AGO1: variants seen among roughly 807,000 people sequenced by gnomAD.
AGO1 encodes the protein protein argonaute-1.
In AGO1, 11 loss-of-function variants were observed where a neutral mutation model predicts 109.2. The observed-to-expected ratio is 0.10, with a 90% CI of 0.06 to 0.17. AGO1 has a LOEUF of 0.17. Ranked by LOEUF, AGO1 falls within the 10% of genes least tolerant of loss-of-function variation. AGO1 has a pLI of 1.00. For missense variants in AGO1, 574 were observed against 1,140.3 expected (o/e 0.50, Z 7.15); for synonymous variants, 422 against 418.6 (o/e 1.01, Z -0.10).
intron 17 of AGO1, among the ~76,000 whole-genome samples, 169 bp from the exon 18 acceptor site, chr1:35,918,886 A>C (rs1378071625): frequency 6.6e-6 from 1 of 152,182 alleles, no homozygotes; most frequent in African/African-American, 2.4e-5. Context: ...CCCTGAGTAC[A>C]CTTGCAGGTT....
In AGO1 at chr1:35,921,510, C is replaced by A. The variant is rs999755697; in HGVS notation, c.*1903C>A. ...AGCCTGGGCTTGGATCTATCCTGATCTGGTGATGAAGCCATGATTACTTTA... is the reference window on the plus strand; with the variant it reads ...AGCCTGGGCTTGGATCTATCCTGATATGGTGATGAAGCCATGATTACTTTA... On this transcript the variant is annotated 3_prime_UTR_variant, in exon 19 of 19. Coordinates refer to ENST00000373204, the MANE Select transcript of AGO1 (RefSeq NM_012199.5). 6.6e-6 allele frequency: 1 copy of A among 152,566 alleles called. No homozygotes were observed. Among genetic ancestry groups the A allele is most frequent in the Non-Finnish European group, 1.5e-5 (1 of 68,072 alleles). The allele number at this position is 152,566 out of a possible 1,614,324, so 9.5% of individuals were successfully genotyped here.
chr1:35,901,566 A>G lies in AGO1; in HGVS notation c.1113A>G (p.Pro371=). ...TMIKATARSA[P]DRQEEISRLM... is the part of the protein sequence containing the mutation. ...TAAAGGCCACAGCTAGATCCGCTCC[A>G]GACAGACAGGAGGAGATCAGTCGCC... The change falls in exon 9 of 19, where the codon CCA becomes CCG. Residue 371 remains proline, a synonymous_variant. Coordinates refer to ENST00000373204, the MANE Select transcript of AGO1 (RefSeq NM_012199.5). This position sits in a 1 kb window ranked among gnomAD's most constrained non-coding sequence, Gnocchi z 4.8. 6.2e-7 allele frequency: 1 copy of G among 1,614,210 alleles called. No individual in the cohort carries two copies. The highest frequency in any genetic ancestry group is 1.3e-5 in the African/African-American group (1 of 75,064).
upstream of AGO1, chr1:35,883,116 C>T (rs550044258): frequency 1.9e-3 from 2,096 of 1,085,084 alleles, 8 homozygotes; most frequent in Non-Finnish European, 2.0e-3. This position sits in a 1 kb window ranked among gnomAD's most constrained non-coding sequence, Gnocchi z 5.4. Context: ...GTCCCCGGTG[C>T]CCCCGCCCCT....
intron 2 of AGO1, among the ~76,000 whole-genome samples, chr1:35,891,736 T>C (rs1645223353): frequency 6.6e-6 from 1 of 151,996 alleles, no homozygotes. Flanking sequence ...GACTAATTTT[T>C]GTATTTTTTG....
chr1:35,904,084 G>T (rs1176337237), intron 11 of AGO1, among the ~76,000 whole-genome samples: 2 of 151,008 alleles, frequency 1.3e-5, no homozygotes, highest in Non-Finnish European at 2.9e-5. Context: ...CTTGCAAATG[G>T]GTTCTTGTCT....
rs1645785570 is a variant in AGO1 at position 35,919,039 on chromosome 1, C to T, written c.2266-16C>T. Reference sequence around the variant, plus strand: ...CTCTGCCCAGCCTGGGACCCCTCACCTTCCTATCTTCCCAGGGCACCAGCC... The same window carrying T: ...CTCTGCCCAGCCTGGGACCCCTCACTTTCCTATCTTCCCAGGGCACCAGCC... On this transcript the variant is annotated splice_polypyrimidine_tract_variant and intron_variant, in intron 17 of 18. Transcript: ENST00000373204. This position sits in a 1 kb window ranked among gnomAD's most constrained non-coding sequence, Gnocchi z 6.6. 6.2e-7 allele frequency: 1 copy of T among 1,613,722 alleles called. No individual in the cohort carries two copies. The highest frequency in any genetic ancestry group is 1.3e-5 in the African/African-American group (1 of 75,052).
chr1:35,872,736 T>A (rs950563906), intron 1 of AGO1, among the ~76,000 whole-genome samples: 11 of 151,972 alleles, frequency 7.2e-5, no homozygotes, highest in African/African-American at 2.7e-4. Flanking sequence ...TGGGCCCAGC[T>A]AATTTTTTAA....
At chr1:35,904,772 G>A (rs1645489082) in intron 11 of AGO1, among the ~76,000 whole-genome samples, 1 of 152,194 alleles carries the variant, frequency 6.6e-6, no homozygotes, top group African/African-American at 2.4e-5. Flanking sequence ...AGATTGTCCA[G>A]GGAGAATGTA....
chr1:35,904,385 G>A (rs1297107945), intron 11 of AGO1, among the ~76,000 whole-genome samples: 2 of 152,126 alleles, frequency 1.3e-5, no homozygotes, highest in Admixed American at 6.5e-5. Flanking sequence ...GATCACAGGC[G>A]TGAGCCATCG....
chr1:35,882,950 C>G, upstream of AGO1: 1 of 971,110 alleles, frequency 1.0e-6, no homozygotes, highest in African/African-American at 1.8e-5. The surrounding 1 kb of genome is among the most constrained non-coding windows in gnomAD (Gnocchi z 5.1). Flanking sequence ...TTGGAGGGAC[C>G]TATTTGGGGA....
Position 35,915,366 on chromosome 1 carries a change from G to A in AGO1, c.1852G>A (p.Ala618Thr). 1 of 1,613,720 alleles carries A rather than the reference G, an allele frequency of 6.2e-7. No homozygotes were observed. The highest frequency in any genetic ancestry group is 8.5e-7 in the Non-Finnish European group (1 of 1,179,740). Residue 618 changes from alanine (A) to threonine (T), a missense_variant, in exon 15 of 19, where the codon GCC (alanine) becomes ACC (threonine). Around this residue, in one of 8 missense-constraint regions of AGO1, gnomAD observed 68 missense variants for 200.2 expected, o/e 0.34. Transcript: ENST00000373204. ...CTGTCAGGTGGTAGGCAGTATGGATGCCCACCCCAGCCGATACTGTGCTAC... is the reference window on the plus strand; with the variant it reads ...CTGTCAGGTGGTAGGCAGTATGGATACCCACCCCAGCCGATACTGTGCTAC... ...SITAVVGSMD[A>T]HPSRYCATVR...
intron 2 of AGO1, among the ~76,000 whole-genome samples, chr1:35,891,554 ATTTATTTTTTATTT>A (rs967587139): frequency 6.6e-6 from 1 of 151,584 alleles, no homozygotes; most frequent in South Asian, 2.1e-4. Flanking sequence ...TTTTGTTTTA[ATTTATTTTTTATTT>A]TTTATTTTTT....
At chr1:35,882,835 G>A, upstream of AGO1, 3 of 985,436 alleles carry the variant, frequency 3.0e-6, no homozygotes, top group Non-Finnish European at 3.6e-6. The surrounding 1 kb of genome is among the most constrained non-coding windows in gnomAD (Gnocchi z 5.1). Flanking sequence ...AGAGGTGGGA[G>A]GCAGGGCCCC....
intron 11 of AGO1, among the ~76,000 whole-genome samples, chr1:35,903,668 A>G (rs996486414): frequency 6.7e-6 from 1 of 149,966 alleles, no homozygotes; most frequent in Admixed American, 6.7e-5. Flanking sequence ...GGCAATATAG[A>G]TCCTATAAGT....
At chr1:35,912,895 G>A (rs1481108034) in intron 12 of AGO1, among the ~76,000 whole-genome samples, 1 of 151,466 alleles carries the variant, frequency 6.6e-6, no homozygotes, top group Non-Finnish European at 1.5e-5. Context: ...TACAGAAGCT[G>A]GAAACTTAAA....
In AGO1 at chr1:35,919,689, A is replaced by G; in HGVS notation, c.*82A>G. The G allele has an allele frequency of 7.6e-7, 1 of 1,314,334 alleles. No homozygotes were observed. Among genetic ancestry groups the G allele is most frequent in the Non-Finnish European group, 1.1e-6 (1 of 942,220 alleles). The allele number at this position is 1,314,334 out of a possible 1,614,324, so 81.4% of individuals were successfully genotyped here. A position where few individuals can be genotyped will look rare whatever the true frequency, so the allele number is the denominator to read the frequency against. Reference sequence around the variant, plus strand: ...GTGCCACCCAAATCCAGAGGAAGCAAGGAGGAGGGAGGTGGGGTAGGGAGG... The same window carrying G: ...GTGCCACCCAAATCCAGAGGAAGCAGGGAGGAGGGAGGTGGGGTAGGGAGG... On this transcript the variant is annotated 3_prime_UTR_variant, in exon 19 of 19. Transcript: ENST00000373204. This position sits in a 1 kb window ranked among gnomAD's most constrained non-coding sequence, Gnocchi z 6.6.
At chr1:35,906,776 C>T (rs1299930429) in intron 11 of AGO1, among the ~76,000 whole-genome samples, 159 bp from the exon 12 acceptor site, 1 of 151,352 alleles carries the variant, frequency 6.6e-6, no homozygotes, top group African/African-American at 2.4e-5. Context: ...CCATTGTACT[C>T]CATCCTGGTT....
rs1464781711 is a variant in AGO1, at chr1:35,888,114, G to A, written c.26-313G>A. ...TCTTACTCTACTAGAAGAAAGAAAG[G>A]GTTTTGTTACTAGGAGCCAGATTTA... On this transcript the variant is annotated intron_variant, in intron 1 of 18. Transcript: ENST00000373204. The surrounding 1 kb of genome is among the most constrained non-coding windows in gnomAD (Gnocchi z 4.1). 6.6e-6 allele frequency among the ~76,000 whole-genome samples: 1 copy of A among 152,050 alleles called. No individual in the cohort carries two copies. Among genetic ancestry groups the A allele is most frequent in the African/African-American group, 2.4e-5 (1 of 41,400 alleles).
chr1:35,873,893 A>G (rs1029945475), intron 1 of AGO1: 1 of 152,180 alleles, frequency 6.6e-6, no homozygotes, highest in Non-Finnish European at 1.5e-5. Context: ...CTTTGCAGAT[A>G]CTGTGTTTTT....
Sources: gnomAD v4.1 joint callset for allele counts (sites outside exome capture counted in the v4.1 genomes callset) on GRCh38, gnomAD v4.1.1 for gene constraint, gnomAD v4.1.1 regional missense constraint, Gnocchi (gnomAD v3.1) non-coding constraint, MANE v1.5 for transcripts, NCBI Gene and HGNC (gene_info 2026-07-23, HGNC 2026-07-21) for gene names.